The following SLC2A13 variants were observed in gnomAD, a reference collection of about 807,000 sequenced individuals.
SLC2A13 encodes the protein solute carrier family 2 member 13, also known as proton myo-inositol cotransporter.
A neutral mutation model predicts 64.4 loss-of-function variants in SLC2A13; 32 were observed. That is an observed-to-expected ratio of 0.50 (90% CI 0.37 to 0.67). The LOEUF is 0.67. Among genes scored for constraint, SLC2A13 ranks in the 30% least tolerant of loss-of-function variants. The probability of loss-of-function intolerance (pLI) is 0.00; values close to 1 mark genes in which losing one functional copy is unlikely to be tolerated. For missense variants in SLC2A13, 743 were observed against 829.2 expected (o/e 0.90, Z 1.28); for synonymous variants, 338 against 327.1 (o/e 1.03, Z -0.36).
chr12:39,878,746 A>G (rs778238241), intron 4 of SLC2A13, among the ~76,000 whole-genome samples: 13 of 152,258 alleles, frequency 8.5e-5, no homozygotes, highest in Non-Finnish European at 1.8e-4. Flanking sequence ...AAAAGAAAAA[A>G]GCTTTTTTGG....
In SLC2A13 at chr12:39,968,763, TATATATATATATATA is replaced by T. The variant is rs1565567256; in HGVS notation, c.926-17413_926-17399del. 6.7e-4 allele frequency among the ~76,000 whole-genome samples: 73 copies of T among 108,854 alleles called. 4 individuals carry two copies. The highest frequency in any genetic ancestry group is 1.7e-3 in the African/African-American group (37 of 21,768). 71.4% of individuals were successfully genotyped at this position (108,854 alleles called of 152,430 possible). A position where few individuals can be genotyped will look rare whatever the true frequency, so the allele number is the denominator to read the frequency against. Reference sequence around the variant, plus strand: ...TTATTTTTGTTGTTTTTTTTTGGTATATATATATATATATATATATATATATATATATATATATAT... The same window carrying T: ...TTATTTTTGTTGTTTTTTTTTGGTATTATATATATATATATATATATATAT... On this transcript the variant is annotated intron_variant, in intron 3 of 9. Transcript: ENST00000280871.
At position 39,758,446 on chromosome 12, in the gene SLC2A13, A is replaced by G. The variant is rs566578551; in HGVS notation, c.*1580T>C. On this transcript the variant is annotated 3_prime_UTR_variant, in exon 10 of 10. Transcript: ENST00000280871. ...CTCTCCAAATACAGTACCTTATTAG[A>G]TGTTTAGAGCCATTTAAAAATGCAT... 62 of 152,028 alleles carry G rather than the reference A, an allele frequency of 4.1e-4. No individual in the cohort carries two copies. The highest frequency in any genetic ancestry group is 1.4e-3 in the African/African-American group (59 of 41,524). 9.4% of individuals were successfully genotyped at this position (152,028 alleles called of 1,614,324 possible). A position where few individuals can be genotyped will look rare whatever the true frequency, so the allele number is the denominator to read the frequency against.
chr12:40,030,837 T>C (rs1592022491), intron 2 of SLC2A13, among the ~76,000 whole-genome samples: 1 of 152,298 alleles, frequency 6.6e-6, no homozygotes, highest in Non-Finnish European at 1.5e-5. Context: ...GAAGACAGAA[T>C]AGGCCTTCCC....
At chr12:39,963,170 C>G (rs1254804622) in intron 3 of SLC2A13, among the ~76,000 whole-genome samples, 2 of 151,520 alleles carry the variant, frequency 1.3e-5, no homozygotes, top group Non-Finnish European at 2.9e-5. Context: ...GCCTGTAGTC[C>G]CAGCTACTTG....
intron 4 of SLC2A13, among the ~76,000 whole-genome samples, chr12:39,918,944 A>G (rs1180120234): frequency 6.6e-6 from 1 of 151,532 alleles, no homozygotes; most frequent in Non-Finnish European, 1.5e-5. Context: ...ACGCGCACAC[A>G]CACACACACA....
intron 3 of SLC2A13, among the ~76,000 whole-genome samples, chr12:39,972,079 T>TATATATAATTTATATATATAGAATTC (rs1946669286): frequency 8.7e-6 from 1 of 115,104 alleles, no homozygotes; most frequent in Non-Finnish European, 1.7e-5. Flanking sequence ...ATATAGAATT[T>TATATATAATTTATATATATAGAATTC]ATATTTATAT....
chr12:39,813,980 T>C (rs1432417111), intron 7 of SLC2A13, among the ~76,000 whole-genome samples: 2 of 152,216 alleles, frequency 1.3e-5, no homozygotes, highest in African/African-American at 4.8e-5. Flanking sequence ...CAATTTCCAG[T>C]ATGAGTGATT....
At chr12:39,885,982 T>G (rs1461260619) in intron 4 of SLC2A13, among the ~76,000 whole-genome samples, 1 of 152,234 alleles carries the variant, frequency 6.6e-6, no homozygotes, top group Non-Finnish European at 1.5e-5. Flanking sequence ...GAAACCATCT[T>G]CTACTTTCAG....
At chr12:40,086,656 C>T (rs891937497) in intron 1 of SLC2A13, among the ~76,000 whole-genome samples, 1 of 152,142 alleles carries the variant, frequency 6.6e-6, no homozygotes, top group Non-Finnish European at 1.5e-5. Context: ...GTTACAAATA[C>T]GAGAAGAAAC....
In SLC2A13 at chr12:40,005,736, T is replaced by C. The variant is rs28370756; in HGVS notation, c.925+22565A>G. Among the ~76,000 whole-genome samples the C allele has an allele frequency of 7.5e-3, 1,140 of 152,274 alleles. 14 individuals are homozygous for C. Among genetic ancestry groups the C allele is most frequent in the African/African-American group, 0.026 (1,082 of 41,538 alleles). On this transcript the variant is annotated intron_variant, in intron 3 of 9. Coordinates refer to ENST00000280871, the MANE Select transcript of SLC2A13 (RefSeq NM_052885.4). ...TAGGAACCACTGCTCTAAAATCCAC[T>C]AAGTGGCAGTGTGCCACCAAAAGGC...
chr12:39,990,063 T>C (rs930140583), intron 3 of SLC2A13, among the ~76,000 whole-genome samples: 3 of 152,190 alleles, frequency 2.0e-5, no homozygotes, highest in African/African-American at 7.2e-5. Flanking sequence ...TTATTCCAAG[T>C]CTAGGACTCC....
At position 39,758,075 on chromosome 12, in the gene SLC2A13, C is replaced by T. The variant is rs1940015258; in HGVS notation, c.*1951G>A. 1 of 151,412 alleles carries T rather than the reference C, an allele frequency of 6.6e-6. No individual in the cohort carries two copies. The highest frequency in any genetic ancestry group is 6.6e-5 in the Admixed American group (1 of 15,184). 9.4% of individuals were successfully genotyped at this position (151,412 alleles called of 1,614,324 possible). ...AATATCAATAGAATAATAATTTTCC[C>T]TATTAAATCATATCTGCTTTTCTGA... On this transcript the variant is annotated 3_prime_UTR_variant, in exon 10 of 10. Transcript: ENST00000280871.
chr12:39,964,786 CTCT>C (rs1030631279), intron 3 of SLC2A13, among the ~76,000 whole-genome samples: 1 of 152,160 alleles, frequency 6.6e-6, no homozygotes, highest in Non-Finnish European at 1.5e-5. Context: ...AAACAAATCT[CTCT>C]TCTTAAGGCT....
intron 7 of SLC2A13, among the ~76,000 whole-genome samples, chr12:39,766,119 C>A (rs547785121): frequency 4.6e-5 from 7 of 152,114 alleles, no homozygotes; most frequent in Non-Finnish European, 8.8e-5. Context: ...CTGATCACAA[C>A]CACCACTTTG....
At chr12:40,102,433 T>A (rs985088170) in intron 1 of SLC2A13, among the ~76,000 whole-genome samples, 15 of 146,758 alleles carry the variant, frequency 1.0e-4, no homozygotes, top group Admixed American at 8.7e-4. Flanking sequence ...GAATTTGGAT[T>A]TTTTTTTTTC....
intron 1 of SLC2A13, among the ~76,000 whole-genome samples, chr12:40,075,980 A>G (rs1228444501): frequency 6.6e-6 from 1 of 152,066 alleles, no homozygotes; most frequent in Non-Finnish European, 1.5e-5. Flanking sequence ...TTTCACTTTT[A>G]TCTCTTGGAT....
chr12:39,996,264 T>C (rs1947228212), intron 3 of SLC2A13, among the ~76,000 whole-genome samples: 1 of 152,162 alleles, frequency 6.6e-6, no homozygotes, highest in South Asian at 2.1e-4. Context: ...GAGAGATGAT[T>C]TGTGGTATCT....
At chr12:40,086,223 C>T (rs61931559) in intron 1 of SLC2A13, among the ~76,000 whole-genome samples, 1,790 of 152,136 alleles carry the variant, frequency 0.012, 13 homozygotes, top group Non-Finnish European at 0.02. Context: ...GCACCAATCA[C>T]GGATGCATTG....
intron 3 of SLC2A13, among the ~76,000 whole-genome samples, chr12:40,014,725 C>T (rs896880660): frequency 1.1e-4 from 16 of 152,156 alleles, no homozygotes; most frequent in African/African-American, 3.9e-4. Context: ...AACTCCCAAG[C>T]TCAGTGATCC....
Sources: gnomAD v4.1 joint callset for allele counts (sites outside exome capture counted in the v4.1 genomes callset) on GRCh38, gnomAD v4.1.1 for gene constraint, MANE v1.5 for transcripts, NCBI Gene and HGNC (gene_info 2026-07-23, HGNC 2026-07-21) for gene names.